Variants in IQCM observed in about 807,000 individuals in gnomAD.
IQCM encodes IQ domain-containing protein M.
In IQCM, 45 loss-of-function variants were observed where a neutral mutation model predicts 57.6. That is an observed-to-expected ratio of 0.78 (90% CI 0.62 to 1.00). IQCM has a LOEUF of 1.00. IQCM is among the 50% of genes least tolerant of loss of function. IQCM has a pLI of 0.00. For missense variants in IQCM, 468 were observed against 511.6 expected, an observed-to-expected ratio of 0.91 and a Z score of 0.82; for synonymous variants, 148 against 158.9, an observed-to-expected ratio of 0.93 and a Z score of 0.51.
At chr4:149,540,154 C>T (rs1360693423) in intron 12 of IQCM, among the ~76,000 whole-genome samples, 1 of 146,270 alleles carries the variant, frequency 6.8e-6, no homozygotes, top group Non-Finnish European at 1.5e-5. Flanking sequence ...AGAAGAAAGG[C>T]CATGTGAGGA....
chr4:149,642,836 G>A (rs1758312060), intron 7 of IQCM, among the ~76,000 whole-genome samples: 1 of 151,990 alleles, frequency 6.6e-6, no homozygotes, highest in Admixed American at 6.6e-5. Context: ...ATCACTCTTT[G>A]CCATATGTAT....
At chr4:149,477,123 C>T (rs890397075) in intron 12 of IQCM, among the ~76,000 whole-genome samples, 3 of 152,140 alleles carry the variant, frequency 2.0e-5, no homozygotes, top group African/African-American at 7.2e-5. Context: ...GATCTTAAAC[C>T]TATCAAAAGA....
chr4:149,680,654 A>C (rs1762113847), intron 7 of IQCM, among the ~76,000 whole-genome samples: 1 of 151,386 alleles, frequency 6.6e-6, no homozygotes, highest in Non-Finnish European at 1.5e-5. Context: ...GCTTCTATGA[A>C]GTTATGGTTC....
intron 5 of IQCM, among the ~76,000 whole-genome samples, chr4:149,728,228 A>G (rs1471352157): frequency 6.6e-6 from 1 of 152,226 alleles, no homozygotes; most frequent in African/African-American, 2.4e-5. Context: ...CAATTGCCTC[A>G]AACTTCCCAC....
intron 7 of IQCM, among the ~76,000 whole-genome samples, chr4:149,673,028 C>T (rs1761438549): frequency 6.6e-6 from 1 of 152,074 alleles, no homozygotes; most frequent in African/African-American, 2.4e-5. Flanking sequence ...CCAAACTAAG[C>T]TTCATAAGTA....
At chr4:149,546,979 T>C (rs1481766328) in intron 12 of IQCM, among the ~76,000 whole-genome samples, 2 of 152,230 alleles carry the variant, frequency 1.3e-5, no homozygotes, top group African/African-American at 4.8e-5. Flanking sequence ...CTTTAATCCA[T>C]CTTGAATTAA....
intron 7 of IQCM, among the ~76,000 whole-genome samples, chr4:149,644,089 T>C (rs1758433373): frequency 6.6e-6 from 1 of 152,188 alleles, no homozygotes; most frequent in Admixed American, 6.5e-5. Context: ...ACTGGGCCAG[T>C]TGGTCACCCT....
chr4:149,461,233 C>CAAAAAAAAAAAAAAAAAAAAAAAAA (rs61429806), intron 12 of IQCM, among the ~76,000 whole-genome samples: 1 of 71,946 alleles, frequency 1.4e-5, no homozygotes. Context: ...AACTCCATCT[C>CAAAAAAAAAAAAAAAAAAAAAAAAA]AAAAAAAAAA....
At chr4:149,615,830 T>G (rs180776675) in intron 8 of IQCM, among the ~76,000 whole-genome samples, 2 of 152,202 alleles carry the variant, frequency 1.3e-5, no homozygotes, top group African/African-American at 4.8e-5. Flanking sequence ...TCCACTCCTC[T>G]TTTAACAAGG....
chr4:149,700,927 A>G (rs1284419656), intron 5 of IQCM, among the ~76,000 whole-genome samples: 1 of 152,066 alleles, frequency 6.6e-6, no homozygotes, highest in Non-Finnish European at 1.5e-5. Flanking sequence ...TTTACCTGGC[A>G]GGACTCCTGA....
chr4:149,354,382 A>AAAAAAAAAAAC (rs764445072), intron 13 of IQCM, among the ~76,000 whole-genome samples: 3 of 136,486 alleles, frequency 2.2e-5, no homozygotes, highest in South Asian at 2.5e-4. Flanking sequence ...AAAAAAAAAA[A>AAAAAAAAAAAC]AAAAAAACTG....
intron 13 of IQCM, among the ~76,000 whole-genome samples, chr4:149,413,423 C>T (rs901586114): frequency 1.3e-5 from 2 of 152,076 alleles, no homozygotes; most frequent in South Asian, 2.1e-4. Flanking sequence ...CAGAGGCTGA[C>T]GCTGAGATAG....
At chr4:149,654,449 C>G in intron 7 of IQCM, among the ~76,000 whole-genome samples, 1 of 152,138 alleles carries the variant, frequency 6.6e-6, no homozygotes, top group East Asian at 1.9e-4. Context: ...CCCCACCACT[C>G]TCTGTTGCCC....
At chr4:149,772,830 G>A (rs1219376725) in intron 2 of IQCM, among the ~76,000 whole-genome samples, 1 of 152,078 alleles carries the variant, frequency 6.6e-6, no homozygotes, top group Non-Finnish European at 1.5e-5. Flanking sequence ...GTCTAATATT[G>A]TGAACACTTT....
intron 12 of IQCM, among the ~76,000 whole-genome samples, chr4:149,467,214 T>C (rs1738947468): frequency 6.6e-6 from 1 of 152,214 alleles, no homozygotes; most frequent in African/African-American, 2.4e-5. Flanking sequence ...GAAGAATAGA[T>C]GCCTACAAAA....
chr4:149,813,032 T>C (rs924355951), intron 2 of IQCM, among the ~76,000 whole-genome samples: 2 of 152,206 alleles, frequency 1.3e-5, no homozygotes, highest in Non-Finnish European at 2.9e-5. Context: ...ACTTTTTCAT[T>C]GCATTAAAAT....
chr4:149,707,829 T>C (rs1300119372), intron 5 of IQCM, among the ~76,000 whole-genome samples: 1 of 152,018 alleles, frequency 6.6e-6, no homozygotes, highest in Non-Finnish European at 1.5e-5. Flanking sequence ...TCCAGACCCT[T>C]CAGAGACCCT....
At chr4:149,490,569 T>A (rs1741989302) in intron 12 of IQCM, among the ~76,000 whole-genome samples, 1 of 152,096 alleles carries the variant, frequency 6.6e-6, no homozygotes, top group African/African-American at 2.4e-5. Flanking sequence ...CCCTGACTAC[T>A]CTTTATCCTT....
chr4:149,412,571 T>A (rs1560814631), intron 13 of IQCM, among the ~76,000 whole-genome samples: 2 of 152,306 alleles, frequency 1.3e-5, no homozygotes, highest in South Asian at 2.1e-4. Context: ...GCACTTGTGA[T>A]GTAGCAGTAA....
Sources: gnomAD v4.1 joint callset for allele counts (sites outside exome capture counted in the v4.1 genomes callset) on GRCh38, gnomAD v4.1.1 for gene constraint, MANE v1.5 for transcripts, NCBI Gene and HGNC (gene_info 2026-07-23, HGNC 2026-07-21) for gene names.